Variants in ANKRD30B observed in about 807,000 individuals in gnomAD.
ANKRD30B encodes the protein ankyrin repeat domain-containing protein 30B.
A neutral mutation model predicts 202.2 loss-of-function variants in ANKRD30B; 144 were observed. That is an observed-to-expected ratio of 0.71 (90% CI 0.62 to 0.82). The LOEUF (loss-of-function observed/expected upper bound fraction) is 0.82. ANKRD30B is among the 40% of genes least tolerant of loss of function. The pLI is 0.00. For synonymous variants in ANKRD30B, 508 were observed against 561.3 expected (o/e 0.91, Z 1.34); for missense variants, 1,487 against 1,669.1 (o/e 0.89, Z 1.90).
intron 39 of ANKRD30B, among the ~76,000 whole-genome samples, chr18:14,847,070 ATATATATATATATATATATATATG>A (rs1306655624): frequency 4.1e-3 from 137 of 33,808 alleles, no homozygotes; most frequent in Non-Finnish European, 7.6e-3. Context: ...ATATATATAT[ATATATATATATATATATATATATG>A]TATAATGTTT....
chr18:14,894,762 T>C, the ANKRD30B span, among the ~76,000 whole-genome samples: 5 of 151,470 alleles, frequency 3.3e-5, no homozygotes, highest in African/African-American at 9.7e-5. Flanking sequence ...ATATTATGTT[T>C]AAGGCTATAG....
At chr18:14,916,288 G>A in the ANKRD30B span, among the ~76,000 whole-genome samples, 1 of 152,340 alleles carries the variant, frequency 6.6e-6, no homozygotes, top group Non-Finnish European at 1.5e-5. Flanking sequence ...CGTCAGGGAG[G>A]GGGCAGATGT....
chr18:14,939,045 G>A, the ANKRD30B span, among the ~76,000 whole-genome samples: 2 of 152,292 alleles, frequency 1.3e-5, no homozygotes, highest in East Asian at 3.9e-4. Flanking sequence ...GTCTGCAGGA[G>A]GAGAAAGAAG....
the ANKRD30B span, among the ~76,000 whole-genome samples, chr18:14,897,327 T>C: frequency 6.6e-6 from 1 of 152,136 alleles, no homozygotes; most frequent in Non-Finnish European, 1.5e-5. Flanking sequence ...ATTACAGGCA[T>C]GCACCACCAC....
the ANKRD30B span, among the ~76,000 whole-genome samples, chr18:14,909,655 G>A: frequency 1.3e-5 from 2 of 152,156 alleles, no homozygotes; most frequent in Non-Finnish European, 2.9e-5. Context: ...TGATCCACAT[G>A]CTTGGCCTCC....
chr18:14,786,521 C>G (rs1382115721), intron 14 of ANKRD30B, among the ~76,000 whole-genome samples: 1 of 152,146 alleles, frequency 6.6e-6, no homozygotes, highest in African/African-American at 2.4e-5. Flanking sequence ...AATACACTGT[C>G]ATAGCATATT....
chr18:14,874,185 A>G, the ANKRD30B span, among the ~76,000 whole-genome samples: 1 of 152,190 alleles, frequency 6.6e-6, no homozygotes, highest in Non-Finnish European at 1.5e-5. Flanking sequence ...ATGAGTGCAT[A>G]TTCTATACTC....
intron 8 of ANKRD30B, among the ~76,000 whole-genome samples, chr18:14,770,062 C>T (rs1022053438): frequency 1.3e-5 from 2 of 152,070 alleles, no homozygotes; most frequent in Admixed American, 6.5e-5. Flanking sequence ...TTTAGTTTTT[C>T]TTCAAAGCAG....
chr18:14,919,413 T>C, the ANKRD30B span, among the ~76,000 whole-genome samples: 1 of 152,174 alleles, frequency 6.6e-6, no homozygotes, highest in African/African-American at 2.4e-5. Context: ...CTCTCCCTGC[T>C]CTGGGCTGCT....
At chr18:14,758,548 GT>G (rs1367571504) in intron 5 of ANKRD30B, among the ~76,000 whole-genome samples, 1 of 152,180 alleles carries the variant, frequency 6.6e-6, no homozygotes, top group South Asian at 2.1e-4. Flanking sequence ...AGTCATTACA[GT>G]TTTTTAAAGT....
chr18:14,825,969 GCAAA>G (rs554101945), intron 32 of ANKRD30B, among the ~76,000 whole-genome samples: 1,527 of 152,234 alleles, frequency 0.01, 18 homozygotes, highest in African/African-American at 0.035. Context: ...ACAGAAAAGT[GCAAA>G]CAGTCATGGG....
the ANKRD30B span, among the ~76,000 whole-genome samples, chr18:14,872,652 T>C: frequency 2.6e-5 from 4 of 152,232 alleles, no homozygotes; most frequent in Non-Finnish European, 4.4e-5. Context: ...GAAGTAGCAC[T>C]GAGTCAGATT....
chr18:14,848,422 A>G (rs1418995692), intron 39 of ANKRD30B, among the ~76,000 whole-genome samples: 1 of 151,938 alleles, frequency 6.6e-6, no homozygotes, highest in Non-Finnish European at 1.5e-5. Context: ...CCTCGGGGGA[A>G]TTTTCCGTGG....
At chr18:14,865,332 C>G in the ANKRD30B span, among the ~76,000 whole-genome samples, 1 of 151,446 alleles carries the variant, frequency 6.6e-6, no homozygotes, top group East Asian at 2.0e-4. Context: ...GCTTGCCACT[C>G]TCTCTTCCCC....
chr18:14,817,332 C>G (rs1970167082), intron 30 of ANKRD30B, among the ~76,000 whole-genome samples: 1 of 152,102 alleles, frequency 6.6e-6, no homozygotes, highest in African/African-American at 2.4e-5. Context: ...TGTGACCTGT[C>G]CTGACTCTAA....
chr18:14,837,809 A>C (rs1184619625), intron 36 of ANKRD30B, 133 bp downstream of exon 36: 1 of 1,041,058 alleles, frequency 9.6e-7, no homozygotes, highest in African/African-American at 1.7e-5. Context: ...AGGTCAGGAG[A>C]TCGAGACCAT....
chr18:14,826,009 T>C (rs1168763191), intron 32 of ANKRD30B, among the ~76,000 whole-genome samples: 2 of 152,236 alleles, frequency 1.3e-5, no homozygotes, highest in Non-Finnish European at 2.9e-5. Flanking sequence ...TCTTTACATA[T>C]TGAGTTCAAT....
the ANKRD30B span, among the ~76,000 whole-genome samples, chr18:14,934,803 G>C: frequency 6.6e-6 from 1 of 152,096 alleles, no homozygotes; most frequent in Non-Finnish European, 1.5e-5. Context: ...GGGAGACGCT[G>C]GCACAGAGCT....
intron 30 of ANKRD30B, among the ~76,000 whole-genome samples, chr18:14,818,482 G>A (rs1031438116): frequency 1.5e-4 from 23 of 150,544 alleles, no homozygotes; most frequent in Non-Finnish European, 2.5e-4. Context: ...TCTACCATTA[G>A]GTATATCTCC....
Sources: gnomAD v4.1 joint callset for allele counts (sites outside exome capture counted in the v4.1 genomes callset) on GRCh38, gnomAD v4.1.1 for gene constraint, MANE v1.5 for transcripts, NCBI Gene and HGNC (gene_info 2026-07-23, HGNC 2026-07-21) for gene names.